The following PYROXD1 variants were observed in gnomAD, a reference collection of about 807,000 sequenced individuals.
The protein encoded by PYROXD1 is tRNA ligase complex-associated NAD(P)H dehydrogenase PYROXD1.
Under a neutral mutation model 62.0 loss-of-function variants are expected in PYROXD1, and 42 were observed. The ratio of observed to expected loss-of-function variants is 0.68; its 90% CI spans 0.53 to 0.88. The LOEUF (loss-of-function observed/expected upper bound fraction) is 0.88, where lower values mean the gene tolerates loss of function less well. Ranked by LOEUF, PYROXD1 falls within the 40% of genes least tolerant of loss-of-function variation. The probability of loss-of-function intolerance (pLI) is 0.00; values close to 1 mark genes in which losing one functional copy is unlikely to be tolerated. For missense variants in PYROXD1, 493 were observed against 604.8 expected (o/e 0.82, Z 1.94); for synonymous variants, 170 against 206.4 (o/e 0.82, Z 1.51).
chr12:21,456,093 G>T lies in PYROXD1; in HGVS notation c.748G>T (p.Glu250Ter). The T allele has an allele frequency of 6.3e-7, 1 of 1,581,104 alleles. No individual in the cohort carries two copies. Among genetic ancestry groups the T allele is most frequent in the Non-Finnish European group, 8.7e-7 (1 of 1,154,086 alleles). The change falls in exon 7 of 12, where the codon GAG (glutamate) becomes TAG (stop). Residue 250 changes from glutamate (E) to a stop codon, truncating the protein, a stop_gained and splice_region_variant. Transcript: ENST00000240651. LOFTEE classifies it high-confidence loss of function. ...AGGCTTGAATCTTAAAGGAACAAAAGAGGTATCTTTTCATATACTAATTGG... is the reference window on the plus strand; with the variant it reads ...AGGCTTGAATCTTAAAGGAACAAAATAGGTATCTTTTCATATACTAATTGG... ...HEGLNLKGTKEFSHKIHLETM... is the reference protein window; with the variant it reads ...HEGLNLKGTK
rs1405376817 is a variant in PYROXD1 at position 21,445,462 on chromosome 12, A to C, written c.281A>C (p.Glu94Ala). The change falls in exon 3 of 12, where the codon GAA (glutamate) becomes GCA (alanine). Residue 94 changes from glutamate to alanine, a missense_variant. This residue lies in a region of PYROXD1 where 164 missense variants were observed against 158.2 expected (regional missense o/e 1.04). Coordinates refer to ENST00000240651, the MANE Select transcript of PYROXD1 (RefSeq NM_024854.5). ...GGCGTAAAGCAACTGAAGAGTGAAGAACACGTAAGATAATTGTTTTCTTAA... is the reference window on the plus strand; with the variant it reads ...GGCGTAAAGCAACTGAAGAGTGAAGCACACGTAAGATAATTGTTTTCTTAA... ...ESGVKQLKSEEHCIVTEDGNQ... is the reference protein window; with the variant it reads ...ESGVKQLKSEAHCIVTEDGNQ... The C allele has an allele frequency of 6.3e-7, 1 of 1,585,292 alleles. No homozygotes were observed. The highest frequency in any genetic ancestry group is 2.2e-5 in the East Asian group (1 of 44,612).
rs144358980 is a variant in PYROXD1 at position 21,462,780 on chromosome 12, A to G, written c.1034A>G (p.His345Arg). 9 of 1,613,812 alleles carry G rather than the reference A, an allele frequency of 5.6e-6. No homozygotes were observed. Among genetic ancestry groups the G allele is most frequent in the South Asian group, 5.5e-5 (5 of 91,082 alleles). ...GATGGTGGCCTGAAAGTGGATGATCATATGCACACATCCCTTCCTGATATC... is the reference window on the plus strand; with the variant it reads ...GATGGTGGCCTGAAAGTGGATGATCGTATGCACACATCCCTTCCTGATATC... ...GEDGGLKVDD[H>R]MHTSLPDIYA... is the part of the protein sequence containing the mutation. Residue 345 changes from histidine to arginine, a missense_variant, in exon 10 of 12, where the codon CAT becomes CGT. Around this residue, in one of 2 missense-constraint regions of PYROXD1, gnomAD observed 329 missense variants for 446.6 expected, o/e 0.74. Transcript: ENST00000240651.
chr12:21,461,636 A>C (rs1224197888), intron 8 of PYROXD1, among the ~76,000 whole-genome samples: 1 of 152,212 alleles, frequency 6.6e-6, no homozygotes, highest in Non-Finnish European at 1.5e-5. Context: ...GGGAATTTGA[A>C]TATGAGTAGT....
At chr12:21,463,444 T>G (rs1483345822) in intron 10 of PYROXD1, among the ~76,000 whole-genome samples, 2 of 152,116 alleles carry the variant, frequency 1.3e-5, no homozygotes, top group Non-Finnish European at 2.9e-5. Flanking sequence ...ATCCCAGCAC[T>G]TTGGGAGGGT....
In PYROXD1 at chr12:21,445,470, A is replaced by G; in HGVS notation, c.285+4A>G. Reference sequence around the variant, plus strand: ...GCAACTGAAGAGTGAAGAACACGTAAGATAATTGTTTTCTTAATAACATTT... The same window carrying G: ...GCAACTGAAGAGTGAAGAACACGTAGGATAATTGTTTTCTTAATAACATTT... On this transcript the variant is annotated splice_donor_region_variant and intron_variant, in intron 3 of 11. Transcript: ENST00000240651. 1 of 1,579,370 alleles carries G rather than the reference A, an allele frequency of 6.3e-7. No homozygotes were observed. The highest frequency in any genetic ancestry group is 8.5e-7 in the Non-Finnish European group (1 of 1,170,014).
chr12:21,457,811 A>ATCCAGTCACCTCCCACCAGGCTGTACC (rs2137273982), intron 7 of PYROXD1, among the ~76,000 whole-genome samples: 1 of 149,202 alleles, frequency 6.7e-6, no homozygotes, highest in African/African-American at 2.5e-5. Flanking sequence ...TGTCCCCATG[A>ATCCAGTCACCTCCCACCAGGCTGTACC]TCCAGTCACC....
rs149190411 is a variant in PYROXD1, at chr12:21,455,987, C to G, written c.650-8C>G. ...TAATTTTTATATTATTTAATTTCAT[C>G]TCTTTAGGAAGGAAAAAGGAAGCTA... On this transcript the variant is annotated splice_polypyrimidine_tract_variant and splice_region_variant and intron_variant, in intron 6 of 11. Transcript: ENST00000240651. The G allele has an allele frequency of 3.9e-6, 6 of 1,551,824 alleles. No homozygotes were observed. In the African/African-American group the frequency reaches 5.5e-5, roughly 14 times the overall value.
chr12:21,439,647 G>A (rs1302014221), intron 1 of PYROXD1, among the ~76,000 whole-genome samples: 1 of 152,102 alleles, frequency 6.6e-6, no homozygotes, highest in African/African-American at 2.4e-5. Context: ...AGGATTCATA[G>A]ATCCCTCAAA....
At position 21,463,001 on chromosome 12, in the gene PYROXD1, A is replaced by T. The variant is rs10841819; in HGVS notation, c.1116+139A>T. ...GCTAGCACAGTTGTTATATATATTT[A>T]AAAAAAAAACTAGAATATTTCCCTG... On this transcript the variant is annotated intron_variant, in intron 10 of 11. Coordinates refer to ENST00000240651, the MANE Select transcript of PYROXD1 (RefSeq NM_024854.5). 0.47 allele frequency: 275,699 copies of T among 588,974 alleles called. 63,180 individuals carry two copies. The highest frequency in any genetic ancestry group is 0.55 in the Middle Eastern group (1,696 of 3,058). 36.5% of individuals were successfully genotyped at this position (588,974 alleles called of 1,614,324 possible). A position where few individuals can be genotyped will look rare whatever the true frequency, so the allele number is the denominator to read the frequency against.
At chr12:21,464,897 C>A (rs1565555442) in intron 10 of PYROXD1, among the ~76,000 whole-genome samples, 1 of 152,240 alleles carries the variant, frequency 6.6e-6, no homozygotes, top group East Asian at 1.9e-4. Flanking sequence ...TCAGTTCCCA[C>A]CTATGAGTGA....
chr12:21,464,299 T>G (rs999013357), intron 10 of PYROXD1, among the ~76,000 whole-genome samples: 21 of 152,152 alleles, frequency 1.4e-4, no homozygotes, highest in African/African-American at 5.1e-4. Flanking sequence ...GGATACTAAT[T>G]TATGCAGTTC....
At position 21,451,990 on chromosome 12, in the gene PYROXD1, T is replaced by C. The variant is rs963256263; in HGVS notation, c.415-91T>C. On this transcript the variant is annotated intron_variant, in intron 4 of 11. Transcript: ENST00000240651. ...TTTCCTTTACAAATTCAATAAAATA[T>C]TTACATTTTTAGAATATTATCGAAG... The C allele has an allele frequency of 1.1e-4, 86 of 768,714 alleles. No individual in the cohort carries two copies. In the African/African-American group the frequency reaches 1.5e-3, roughly 13 times the overall value. 47.6% of individuals were successfully genotyped at this position (768,714 alleles called of 1,614,324 possible).
At position 21,448,226 on chromosome 12, in the gene PYROXD1, G is replaced by A. The variant is rs1023931151; in HGVS notation, c.286-1337G>A. 2.7e-5 allele frequency: 14 copies of A among 527,628 alleles called. No individual in the cohort carries two copies. In the South Asian group the frequency reaches 3.3e-4, roughly 13 times the overall value. The allele number at this position is 527,628 out of a possible 1,614,324, so 32.7% of individuals were successfully genotyped here. A position where few individuals can be genotyped will look rare whatever the true frequency, so the allele number is the denominator to read the frequency against. ...AGGTTTTCTCTTCCCCATCCATTTT[G>A]TTCTTATGAAATGCTACTGTGCTTC... On this transcript the variant is annotated intron_variant, in intron 3 of 11. Transcript: ENST00000240651.
At chr12:21,449,737 T>C in intron 4 of PYROXD1, 46 bp downstream of exon 4, 1 of 1,536,870 alleles carries the variant, frequency 6.5e-7, no homozygotes. Context: ...AAAAGAATTT[T>C]CTACATTTGA....
intron 5 of PYROXD1, among the ~76,000 whole-genome samples, chr12:21,453,242 T>G (rs1942534972): frequency 6.6e-6 from 1 of 152,124 alleles, no homozygotes; most frequent in Non-Finnish European, 1.5e-5. Flanking sequence ...GAGTCTTACA[T>G]TTAATCCTAT....
intron 6 of PYROXD1, 60 bp from the exon 7 acceptor site, chr12:21,455,933 TCA>T (rs1358508822): frequency 9.3e-7 from 1 of 1,076,116 alleles, no homozygotes; most frequent in Non-Finnish European, 1.4e-6. Context: ...ATAAAAAACT[TCA>T]GAACACTAAC....
In PYROXD1 at chr12:21,468,793, GACACCAGAAA is replaced by G; in HGVS notation, c.*41_*50del. 6.4e-7 allele frequency: 1 copy of G among 1,562,380 alleles called. No individual in the cohort carries two copies. Among genetic ancestry groups the G allele is most frequent in the Non-Finnish European group, 8.7e-7 (1 of 1,148,506 alleles). Reference sequence around the variant, plus strand: ...TCAGGAATCATATAAAGTTCCAAATGACACCAGAAAAATCACAAGTCAATAAAATGAATGA... The same window carrying G: ...TCAGGAATCATATAAAGTTCCAAATGAATCACAAGTCAATAAAATGAATGA... On this transcript the variant is annotated 3_prime_UTR_variant, in exon 12 of 12. Transcript: ENST00000240651.
rs1239741714 is a variant in PYROXD1 at position 21,437,819 on chromosome 12, G to T, written c.84+5G>T. On this transcript the variant is annotated splice_donor_5th_base_variant and intron_variant, in intron 1 of 11. Transcript: ENST00000240651. ...GGCGTCACTTGTGCGGAGCAGGTAGGGCGGTGCTCAGGCGGTTCCGCCTCT... is the reference window on the plus strand; with the variant it reads ...GGCGTCACTTGTGCGGAGCAGGTAGTGCGGTGCTCAGGCGGTTCCGCCTCT... 1 of 1,611,414 alleles carries T rather than the reference G, an allele frequency of 6.2e-7. No individual in the cohort carries two copies. The highest frequency in any genetic ancestry group is 2.2e-5 in the East Asian group (1 of 44,774).
chr12:21,458,460 T>G (rs1031284193), intron 7 of PYROXD1, among the ~76,000 whole-genome samples: 1 of 152,244 alleles, frequency 6.6e-6, no homozygotes, highest in African/African-American at 2.4e-5. Context: ...AATACCACTT[T>G]AGATTTACTT....
Sources: gnomAD v4.1 joint callset for allele counts (sites outside exome capture counted in the v4.1 genomes callset) on GRCh38, gnomAD v4.1.1 for gene constraint, gnomAD v4.1.1 regional missense constraint, MANE v1.5 for transcripts, NCBI Gene and HGNC (gene_info 2026-07-23, HGNC 2026-07-21) for gene names.